Variants in MIPOL1 observed in about 807,000 individuals in gnomAD.
The protein encoded by MIPOL1 is mirror-image polydactyly gene 1 protein.
MIPOL1 carries 57 observed loss-of-function variants against 60.9 expected under a neutral mutation model. The ratio of observed to expected loss-of-function variants is 0.94; its 90% CI spans 0.76 to 1.17. The LOEUF (loss-of-function observed/expected upper bound fraction) is 1.17, where lower values mean the gene tolerates loss of function less well. Among genes scored for constraint, MIPOL1 ranks in the 50% most tolerant of loss-of-function variants. The pLI is 0.00. For synonymous variants in MIPOL1, 179 were observed against 168.8 expected (o/e 1.06, Z -0.47); for missense variants, 551 against 511.6 (o/e 1.08, Z -0.74).
intron 11 of MIPOL1, among the ~76,000 whole-genome samples, chr14:37,499,676 A>G (rs1367413467): frequency 6.6e-6 from 1 of 152,182 alleles, no homozygotes; most frequent in Non-Finnish European, 1.5e-5. Flanking sequence ...AACATCTTGC[A>G]GCATCTTTTT....
chr14:37,498,391 T>G (rs927356659), intron 11 of MIPOL1, among the ~76,000 whole-genome samples: 4 of 152,190 alleles, frequency 2.6e-5, no homozygotes, highest in Admixed American at 6.6e-5. Flanking sequence ...GGTTTAGCTT[T>G]TAGTTTGTTT....
At chr14:37,461,533 A>G (rs548613116) in intron 11 of MIPOL1, among the ~76,000 whole-genome samples, 1 of 151,976 alleles carries the variant, frequency 6.6e-6, no homozygotes, top group Non-Finnish European at 1.5e-5. Flanking sequence ...CCCCTCCCAA[A>G]TCTCATATCT....
chr14:37,214,988 T>G (rs1031873556), intron 1 of MIPOL1, among the ~76,000 whole-genome samples: 6 of 152,130 alleles, frequency 3.9e-5, no homozygotes, highest in Non-Finnish European at 5.9e-5. Flanking sequence ...ACCATCTCCC[T>G]GTGATGCTGT....
At chr14:37,261,555 G>C (rs987244814) in intron 3 of MIPOL1, among the ~76,000 whole-genome samples, 3 of 152,020 alleles carry the variant, frequency 2.0e-5, no homozygotes, top group Non-Finnish European at 4.4e-5. Flanking sequence ...ATATTTGAGA[G>C]AAATTAAAGA....
intron 12 of MIPOL1, among the ~76,000 whole-genome samples, chr14:37,535,351 TC>T (rs993435236): frequency 3.3e-5 from 5 of 152,184 alleles, no homozygotes; most frequent in Non-Finnish European, 7.4e-5. Context: ...TTTTCTGTGT[TC>T]TATTTAATCT....
chr14:37,228,818 A>G (rs1970183478), intron 1 of MIPOL1, among the ~76,000 whole-genome samples: 2 of 152,188 alleles, frequency 1.3e-5, no homozygotes, highest in Admixed American at 6.5e-5. Flanking sequence ...GTGGCCAGGC[A>G]CAGTGGCTCA....
chr14:37,415,397 C>T (rs915224254), intron 10 of MIPOL1, among the ~76,000 whole-genome samples: 5 of 151,696 alleles, frequency 3.3e-5, no homozygotes, highest in East Asian at 1.9e-4. Context: ...CCGAGGCAGG[C>T]GGATCACGAG....
intron 9 of MIPOL1, among the ~76,000 whole-genome samples, chr14:37,325,461 T>C (rs7161417): frequency 0.99 from 151,017 of 152,054 alleles, 75,003 homozygotes; most frequent in Middle Eastern, 1. Context: ...TACCTTTTAA[T>C]ATTTTATTTC....
intron 11 of MIPOL1, among the ~76,000 whole-genome samples, chr14:37,431,642 G>A (rs1481491157): frequency 1.5e-5 from 2 of 131,146 alleles, no homozygotes; most frequent in Non-Finnish European, 1.6e-5. Flanking sequence ...GCAGTGGCGC[G>A]ATCTCAGCTC....
rs1045856070 is a variant in MIPOL1, at chr14:37,375,739, C to T, written c.936+6115C>T. Among the ~76,000 whole-genome samples, 7 of 151,708 alleles carry T rather than the reference C, an allele frequency of 4.6e-5. No homozygotes were observed. The East Asian group carries it at 1.4e-3, about 30-fold the overall frequency. The stretch of plus-strand genomic sequence containing the variant: ...TTCCTTTCTTCCTGTTCTCTCTTTT[C>T]TCTTCTCTACTCTTCTCTTTCTTTT... On this transcript the variant is annotated intron_variant, in intron 10 of 12. Coordinates refer to ENST00000684589, the MANE Select transcript of MIPOL1 (RefSeq NM_001388067.1).
chr14:37,451,878 A>C (rs552391423), intron 11 of MIPOL1, among the ~76,000 whole-genome samples: 1 of 134,300 alleles, frequency 7.4e-6, no homozygotes, highest in Non-Finnish European at 1.5e-5. Flanking sequence ...GCAGTGGCGC[A>C]ATCTCGGCTC....
intron 1 of MIPOL1, among the ~76,000 whole-genome samples, chr14:37,203,288 G>A (rs1965597512): frequency 6.6e-6 from 1 of 152,130 alleles, no homozygotes; most frequent in Admixed American, 6.6e-5. Flanking sequence ...AACTTTTCCT[G>A]GAACTCAGCT....
rs1437994174 is a variant in MIPOL1, at chr14:37,549,747, A to G, written c.*2776A>G. ...AATGTGAACTGCATGTGTAAACAGC[A>G]TCACATTATTACCACCTCTCTATGG... On this transcript the variant is annotated 3_prime_UTR_variant, in exon 13 of 13. Coordinates refer to ENST00000684589, the MANE Select transcript of MIPOL1 (RefSeq NM_001388067.1). 2 of 152,010 alleles carry G rather than the reference A, an allele frequency of 1.3e-5. No individual in the cohort carries two copies. The highest frequency in any genetic ancestry group is 2.9e-5 in the Non-Finnish European group (2 of 67,872). 9.4% of individuals were successfully genotyped at this position (152,010 alleles called of 1,614,324 possible). A position where few individuals can be genotyped will look rare whatever the true frequency, so the allele number is the denominator to read the frequency against.
chr14:37,471,827 T>G (rs1194391492), intron 11 of MIPOL1, among the ~76,000 whole-genome samples: 7 of 152,186 alleles, frequency 4.6e-5, no homozygotes, highest in African/African-American at 2.4e-5. Flanking sequence ...TACTTTTATC[T>G]TTAAATCTCA....
chr14:37,200,330 A>T (rs1378744651), intron 1 of MIPOL1, among the ~76,000 whole-genome samples: 1 of 152,222 alleles, frequency 6.6e-6, no homozygotes, highest in Admixed American at 6.5e-5. Context: ...CTCATGGGTT[A>T]TACAAAAACA....
intron 1 of MIPOL1, among the ~76,000 whole-genome samples, chr14:37,224,938 A>G (rs1353878695): frequency 1.3e-5 from 2 of 152,174 alleles, no homozygotes; most frequent in African/African-American, 2.4e-5. Context: ...CAGCTATTCC[A>G]AAGGGGAGAA....
chr14:37,390,181 T>C (rs2093197792), intron 10 of MIPOL1, among the ~76,000 whole-genome samples: 1 of 151,814 alleles, frequency 6.6e-6, no homozygotes, highest in Admixed American at 6.6e-5. Flanking sequence ...TTTGCACCAT[T>C]GCACTCCAGC....
chr14:37,269,531 CAT>C, intron 5 of MIPOL1, among the ~76,000 whole-genome samples: 1 of 151,836 alleles, frequency 6.6e-6, no homozygotes, highest in East Asian at 1.9e-4. Flanking sequence ...ATTAAAAAAA[CAT>C]GTGGAGGGAT....
intron 10 of MIPOL1, 48 bp downstream of exon 10, chr14:37,369,672 G>C: frequency 7.0e-7 from 1 of 1,432,850 alleles, no homozygotes; most frequent in Non-Finnish European, 9.8e-7. Flanking sequence ...GTAAGCCCTT[G>C]GTGCCAGCTT....
Sources: allele counts gnomAD v4.1 joint callset (sites outside exome capture counted in the v4.1 genomes callset), GRCh38; gene constraint gnomAD v4.1.1; transcripts MANE v1.5; gene names NCBI Gene and HGNC (gene_info 2026-07-23, HGNC 2026-07-21).